NTN1: variants seen among roughly 807,000 people sequenced by gnomAD.
The protein encoded by NTN1 is netrin 1.
In NTN1, 11 loss-of-function variants were observed where a neutral mutation model predicts 54.2. The ratio of observed to expected loss-of-function variants is 0.20; its 90% confidence interval spans 0.13 to 0.34. The LOEUF is 0.34. Among genes scored for constraint, NTN1 ranks in the 10% least tolerant of loss-of-function variants. The pLI, the probability that NTN1 is intolerant of heterozygous loss-of-function variation, is 1.00. For synonymous variants in NTN1, 371 were observed against 382.0 expected, an observed-to-expected ratio of 0.97 and a Z score of 0.33; for missense variants, 740 against 893.1, an observed-to-expected ratio of 0.83 and a Z score of 2.18.
chr17:9,166,375 TC>T (rs2092373468), intron 3 of NTN1, among the ~76,000 whole-genome samples: 1 of 129,808 alleles, frequency 7.7e-6, no homozygotes, highest in Admixed American at 9.2e-5. Context: ...GGAGTCTCAC[TC>T]TGTTGTCCAG....
chr17:9,062,837 G>A (rs1172999434), intron 2 of NTN1, among the ~76,000 whole-genome samples: 1 of 152,032 alleles, frequency 6.6e-6, no homozygotes. Flanking sequence ...ACGTCAGCTC[G>A]TAGTAGAAAT....
chr17:9,138,283 A>G (rs1358588828), intron 2 of NTN1, among the ~76,000 whole-genome samples: 1 of 152,194 alleles, frequency 6.6e-6, no homozygotes, highest in Non-Finnish European at 1.5e-5. Context: ...ATACCGCCCC[A>G]GGCCTAGGAA....
chr17:9,148,722 A>G (rs1171361569), intron 2 of NTN1, among the ~76,000 whole-genome samples: 6 of 151,484 alleles, frequency 4.0e-5, no homozygotes, highest in African/African-American at 1.5e-4. Context: ...ACGGGGGTCC[A>G]GCGTGCAGAT....
intron 2 of NTN1, among the ~76,000 whole-genome samples, chr17:9,154,883 C>G (rs2092336931): frequency 6.6e-6 from 1 of 152,186 alleles, no homozygotes; most frequent in East Asian, 1.9e-4. Flanking sequence ...GCGGTTGAAC[C>G]TCCCTTTACC....
intron 2 of NTN1, among the ~76,000 whole-genome samples, chr17:9,066,102 G>T (rs532353495): frequency 6.6e-6 from 1 of 152,066 alleles, no homozygotes; most frequent in African/African-American, 2.4e-5. Context: ...ATTATTGTCC[G>T]GTCAAGAAGA....
chr17:9,105,844 C>T (rs562023776), intron 2 of NTN1, among the ~76,000 whole-genome samples: 39 of 151,736 alleles, frequency 2.6e-4, no homozygotes, highest in Middle Eastern at 3.4e-3. Flanking sequence ...AGCCTAAAGA[C>T]AGAGGGAGGT....
intron 5 of NTN1, among the ~76,000 whole-genome samples, chr17:9,217,854 CAAA>C (rs11354107): frequency 1.4e-3 from 132 of 95,740 alleles, no homozygotes; most frequent in African/African-American, 5.3e-3. Flanking sequence ...GGAAAGACAC[CAAA>C]AAAAAAAAAA....
intron 2 of NTN1, among the ~76,000 whole-genome samples, chr17:9,160,799 T>G: frequency 6.7e-6 from 1 of 150,240 alleles, no homozygotes; most frequent in Non-Finnish European, 1.5e-5. Flanking sequence ...CAAAAAAAAA[T>G]ACAAAAAATT....
chr17:9,159,693 C>T (rs1475398876), intron 2 of NTN1, among the ~76,000 whole-genome samples: 6 of 151,978 alleles, frequency 3.9e-5, no homozygotes, highest in African/African-American at 1.2e-4. Context: ...AGCAGCTACT[C>T]GGGAGGCTGA....
chr17:9,089,951 A>C (rs2092104442), intron 2 of NTN1, among the ~76,000 whole-genome samples: 1 of 151,694 alleles, frequency 6.6e-6, no homozygotes. Context: ...CAAAATTATC[A>C]CTGCTCCCTT....
chr17:9,238,362 G>T (rs372938689), intron 6 of NTN1, among the ~76,000 whole-genome samples: 2 of 152,200 alleles, frequency 1.3e-5, no homozygotes, highest in South Asian at 4.1e-4. Flanking sequence ...GGGAATAAAG[G>T]TGTTTCGCCC....
chr17:9,194,730 A>C (rs1402329360), intron 5 of NTN1, among the ~76,000 whole-genome samples: 1 of 152,152 alleles, frequency 6.6e-6, no homozygotes, highest in East Asian at 1.9e-4. Context: ...ACATCAGCCC[A>C]GGTTGCTAGA....
chr17:9,170,338 CAG>C (rs1416083636), intron 3 of NTN1, among the ~76,000 whole-genome samples: 2 of 152,198 alleles, frequency 1.3e-5, no homozygotes, highest in Non-Finnish European at 2.9e-5. Flanking sequence ...TCAGAGAAAA[CAG>C]AAACACTAGA....
intron 2 of NTN1, among the ~76,000 whole-genome samples, chr17:9,136,252 A>G (rs1241999066): frequency 6.6e-6 from 1 of 152,206 alleles, no homozygotes; most frequent in Non-Finnish European, 1.5e-5. Context: ...AGTGGTTCAG[A>G]GTAGACGATA....
Position 9,135,713 on chromosome 17 carries a change from G to A in NTN1, c.1019-27100G>A, listed in dbSNP as rs778600200. 6.6e-6 allele frequency among the ~76,000 whole-genome samples: 1 copy of A among 152,172 alleles called. No homozygotes were observed. Among genetic ancestry groups the A allele is most frequent in the Non-Finnish European group, 1.5e-5 (1 of 68,022 alleles). Reference sequence around the variant, plus strand: ...CTCATCTCCAGGTTGAGGTTCTAGGGCTCCCTGGAGTAGGCCTGGTGGGGC... The same window carrying A: ...CTCATCTCCAGGTTGAGGTTCTAGGACTCCCTGGAGTAGGCCTGGTGGGGC... On this transcript the variant is annotated intron_variant, in intron 2 of 6. Transcript: ENST00000173229. The surrounding 1 kb of genome is among the most constrained non-coding windows in gnomAD (Gnocchi z 4.4).
chr17:9,217,658 A>G (rs912516571), intron 5 of NTN1, among the ~76,000 whole-genome samples: 2 of 152,034 alleles, frequency 1.3e-5, no homozygotes, highest in Non-Finnish European at 2.9e-5. Context: ...CACAGTGTCC[A>G]TGTTCTGAAG....
intron 2 of NTN1, among the ~76,000 whole-genome samples, chr17:9,076,340 C>T (rs2142220290): frequency 6.6e-6 from 1 of 152,242 alleles, no homozygotes; most frequent in East Asian, 1.9e-4. Flanking sequence ...GACATGTCCC[C>T]TTTAGGTTCT....
intron 3 of NTN1, among the ~76,000 whole-genome samples, chr17:9,167,829 G>A (rs762316358): frequency 1.1e-4 from 16 of 152,240 alleles, no homozygotes; most frequent in Non-Finnish European, 1.9e-4. Context: ...TTTCTCATTC[G>A]TGATTCTCCA....
the NTN1 span, among the ~76,000 whole-genome samples, chr17:9,008,185 G>A: frequency 6.6e-6 from 1 of 152,030 alleles, no homozygotes; most frequent in Non-Finnish European, 1.5e-5. Flanking sequence ...AAAGCCCAGT[G>A]TCTCTGTGGT....
Sources: allele counts gnomAD v4.1 joint callset (sites outside exome capture counted in the v4.1 genomes callset), GRCh38; gene constraint gnomAD v4.1.1; non-coding constraint Gnocchi (gnomAD v3.1); transcripts MANE v1.5; gene names NCBI Gene and HGNC (gene_info 2026-07-23, HGNC 2026-07-21).